Variants in DDX21 observed in about 807,000 individuals in gnomAD.
DDX21 encodes DExD-box helicase 21.
Under a neutral mutation model 90.0 loss-of-function variants are expected in DDX21, and 18 were observed. That is an observed-to-expected ratio of 0.20 (90% CI 0.14 to 0.30). The LOEUF (loss-of-function observed/expected upper bound fraction) is 0.30, where lower values mean the gene tolerates loss of function less well. Among genes scored for constraint, DDX21 ranks in the 10% least tolerant of loss-of-function variants. DDX21 has a pLI of 1.00. For synonymous variants in DDX21, 294 were observed against 318.0 expected, an observed-to-expected ratio of 0.92 and a Z score of 0.80; for missense variants, 673 against 944.5, an observed-to-expected ratio of 0.71 and a Z score of 3.77.
intron 2 of DDX21, 86 bp downstream of exon 2, chr10:68,960,335 T>C: frequency 7.5e-7 from 1 of 1,341,694 alleles, no homozygotes; most frequent in Non-Finnish European, 1.0e-6. Context: ...TACTCTTTAA[T>C]AGTAGGAGAA....
chr10:68,961,132 G>T (rs1429309170), intron 2 of DDX21, among the ~76,000 whole-genome samples: 4 of 151,964 alleles, frequency 2.6e-5, no homozygotes, highest in Admixed American at 2.6e-4. Flanking sequence ...ATGGGATCTC[G>T]CTGTGTGGCC....
intron 13 of DDX21, among the ~76,000 whole-genome samples, 200 bp from the exon 14 acceptor site, chr10:68,981,337 A>C (rs1028791800): frequency 6.6e-6 from 1 of 152,166 alleles, no homozygotes; most frequent in Non-Finnish European, 1.5e-5. Flanking sequence ...TCTTTTTTTC[A>C]ATGTTCCTTG....
chr10:68,960,253 C>G lies in DDX21; in HGVS notation c.531+4C>G. The G allele has an allele frequency of 2.5e-6, 4 of 1,587,618 alleles. No homozygotes were observed. Among genetic ancestry groups the G allele is most frequent in the Non-Finnish European group, 3.4e-6 (4 of 1,171,942 alleles). On this transcript the variant is annotated splice_donor_region_variant and intron_variant, in intron 2 of 14. Coordinates refer to ENST00000354185, the MANE Select transcript of DDX21 (RefSeq NM_004728.4). ...AAGTAACAGTGAGATAGAGCAGGTACATTTGCACTTCATTGGGTAGAAGAT... is the reference window on the plus strand; with the variant it reads ...AAGTAACAGTGAGATAGAGCAGGTAGATTTGCACTTCATTGGGTAGAAGAT...
chr10:68,958,158 C>G (rs1388201348), intron 1 of DDX21, among the ~76,000 whole-genome samples: 1 of 151,910 alleles, frequency 6.6e-6, no homozygotes, highest in East Asian at 1.9e-4. Context: ...GCTGTCGTTG[C>G]CCAGGCTTGT....
At position 68,982,807 on chromosome 10, in the gene DDX21, C is replaced by A. The variant is rs569497001; in HGVS notation, c.2347C>A (p.Gln783Lys). 6.2e-7 allele frequency: 1 copy of A among 1,613,672 alleles called. No individual in the cohort carries two copies. The highest frequency in any genetic ancestry group is 8.5e-7 in the Non-Finnish European group (1 of 1,179,798). Residue 783 changes from glutamine to lysine, a missense_variant, in exon 15 of 15, where the codon CAA becomes AAA. Around this residue, in one of 4 missense-constraint regions of DDX21, gnomAD observed 225 missense variants for 298.8 expected, o/e 0.75. Transcript: ENST00000354185. ...QKRSFSKAFG[Q>K] ...GCGGAGTTTCAGTAAAGCATTTGGTCAATAATTAGAAATAGAAGATTTATA... is the reference window on the plus strand; with the variant it reads ...GCGGAGTTTCAGTAAAGCATTTGGTAAATAATTAGAAATAGAAGATTTATA...
At chr10:68,978,593 G>T (rs78707108) in intron 12 of DDX21, among the ~76,000 whole-genome samples, 1,576 of 152,224 alleles carry the variant, frequency 0.01, 13 homozygotes, top group Admixed American at 0.017. Flanking sequence ...ACTCTGCTCA[G>T]CTTCCCTAAA....
In DDX21 at chr10:68,982,741, G is replaced by C; in HGVS notation, c.2281G>C (p.Gly761Arg). Residue 761 changes from glycine to arginine, a missense_variant, in exon 15 of 15, where the codon GGT (glycine) becomes CGT (arginine). Around this residue, in one of 4 missense-constraint regions of DDX21, gnomAD observed 225 missense variants for 298.8 expected, o/e 0.75. Transcript: ENST00000354185. ...SRGPRGQRSG[G>R]GNKSNRSQNK... ...AGGCCCGAGAGGACAGCGATCAGGAGGTGGCAACAAAAGTAACAGATCCCA... is the reference window on the plus strand; with the variant it reads ...AGGCCCGAGAGGACAGCGATCAGGACGTGGCAACAAAAGTAACAGATCCCA... 1 of 1,614,114 alleles carries C rather than the reference G, an allele frequency of 6.2e-7. No homozygotes were observed. The highest frequency in any genetic ancestry group is 8.5e-7 in the Non-Finnish European group (1 of 1,180,032).
intron 9 of DDX21, among the ~76,000 whole-genome samples, chr10:68,972,361 A>T (rs906754601): frequency 7.2e-5 from 11 of 152,172 alleles, no homozygotes; most frequent in Non-Finnish European, 1.3e-4. Context: ...AGATAAATGC[A>T]TGAGCCTAGA....
chr10:68,985,058 G>A lies in DDX21; in HGVS notation c.*2246G>A, dbSNP rs984622989. The A allele has an allele frequency of 1.3e-5, 2 of 151,970 alleles. No individual in the cohort carries two copies. Among genetic ancestry groups the A allele is most frequent in the African/African-American group, 4.8e-5 (2 of 41,352 alleles). The allele number at this position is 151,970 out of a possible 1,614,324, so 9.4% of individuals were successfully genotyped here. A position where few individuals can be genotyped will look rare whatever the true frequency, so the allele number is the denominator to read the frequency against. Reference sequence around the variant, plus strand: ...ACTGCTGTATACCATAATAAAGATAGTAATACTTGATTTTAGTGGCTTTTG... The same window carrying A: ...ACTGCTGTATACCATAATAAAGATAATAATACTTGATTTTAGTGGCTTTTG... On this transcript the variant is annotated 3_prime_UTR_variant, in exon 15 of 15. Coordinates refer to ENST00000354185, the MANE Select transcript of DDX21 (RefSeq NM_004728.4).
chr10:68,980,723 C>T (rs1399685821), intron 13 of DDX21, among the ~76,000 whole-genome samples: 3 of 151,594 alleles, frequency 2.0e-5, no homozygotes, highest in Non-Finnish European at 4.4e-5. Context: ...AGATGGTGTC[C>T]TGGCTAGGTG....
At chr10:68,979,253 CT>C (rs201806560) in intron 13 of DDX21, among the ~76,000 whole-genome samples, 2 of 151,724 alleles carry the variant, frequency 1.3e-5, no homozygotes, top group East Asian at 1.9e-4. Flanking sequence ...TTTTCAGAAT[CT>C]TTTTTTTTCT....
chr10:68,967,200 A>C lies in DDX21; in HGVS notation c.1087A>C (p.Lys363Gln). The stretch of plus-strand genomic sequence containing the variant: ...AGAGATTTTAAGTGTGGCATACAAG[A>C]AAGGTAATCCACAAATTCAAGAAGC... ...VEEILSVAYK[K>Q]DSEDNPQTLL... The change falls in exon 6 of 15, where the codon AAA becomes CAA. Residue 363 changes from lysine to glutamine, a missense_variant. By Grantham distance (53) the Lys-to-Gln change is moderately conservative. Coordinates refer to ENST00000354185, the MANE Select transcript of DDX21 (RefSeq NM_004728.4). The C allele has an allele frequency of 6.2e-7, 1 of 1,608,016 alleles. No individual in the cohort carries two copies. The highest frequency in any genetic ancestry group is 1.1e-5 in the South Asian group (1 of 90,460).
Position 68,982,994 on chromosome 10 carries a change from TA to T in DDX21, c.*184del, listed in dbSNP as rs1589290772. On this transcript the variant is annotated 3_prime_UTR_variant, in exon 15 of 15. Coordinates refer to ENST00000354185, the MANE Select transcript of DDX21 (RefSeq NM_004728.4). Reference sequence around the variant, plus strand: ...TATTTCATCTGATCATTATCATTTATAACTTTATTGTTACTTCTTCATCAGT... The same window carrying T: ...TATTTCATCTGATCATTATCATTTATACTTTATTGTTACTTCTTCATCAGT... 2 of 767,648 alleles carry T rather than the reference TA, an allele frequency of 2.6e-6. No individual in the cohort carries two copies. The highest frequency in any genetic ancestry group is 4.0e-6 in the Non-Finnish European group (2 of 505,736). 47.6% of individuals were successfully genotyped at this position (767,648 alleles called of 1,614,324 possible).
Position 68,967,901 on chromosome 10 carries a change from GT to G in DDX21, c.1090+709del, listed in dbSNP as rs961479720. Among the ~76,000 whole-genome samples, 161 of 144,732 alleles carry G rather than the reference GT, an allele frequency of 1.1e-3. 2 individuals are homozygous for G. Among genetic ancestry groups the G allele is most frequent in the South Asian group, 4.4e-4 (2 of 4,566 alleles). 94.9% of individuals were successfully genotyped at this position (144,732 alleles called of 152,430 possible). ...ACCTCAATATCTGGAATTGTTTTTT[GT>G]TTTTTTTTTTGAGACAGGGTCTAAA... On this transcript the variant is annotated intron_variant, in intron 6 of 14. Coordinates refer to ENST00000354185, the MANE Select transcript of DDX21 (RefSeq NM_004728.4).
chr10:68,968,055 G>GT (rs1452629576), intron 6 of DDX21, among the ~76,000 whole-genome samples: 1 of 149,876 alleles, frequency 6.7e-6, no homozygotes. Context: ...TAATTTTTCT[G>GT]TTTTTTGTAG....
chr10:68,983,678 T>C lies in DDX21; in HGVS notation c.*866T>C, dbSNP rs941272429. The C allele has an allele frequency of 7.3e-6, 1 of 137,578 alleles. No homozygotes were observed. The highest frequency in any genetic ancestry group is 2.7e-5 in the African/African-American group (1 of 36,482). The allele number at this position is 137,578 out of a possible 1,614,324, so 8.5% of individuals were successfully genotyped here. A position where few individuals can be genotyped will look rare whatever the true frequency, so the allele number is the denominator to read the frequency against. ...ACTTAAGGGAGTAGGGGGCGCAGAT[T>C]AGCATTGCTCAAGAGTATGTAAAAA... On this transcript the variant is annotated 3_prime_UTR_variant, in exon 15 of 15. Transcript: ENST00000354185.
In DDX21 at chr10:68,982,721, C is replaced by T. The variant is rs142852464; in HGVS notation, c.2261C>T (p.Pro754Leu). The T allele has an allele frequency of 9.1e-5, 147 of 1,613,838 alleles. No individual in the cohort carries two copies. The African/African-American group carries it at 1.7e-3, about 19-fold the overall frequency. Residue 754 changes from proline (P) to leucine (L), a missense_variant, in exon 15 of 15, where the codon CCG becomes CTG. This residue lies in a region of DDX21 where 225 missense variants were observed against 298.8 expected (regional missense o/e 0.75). Coordinates refer to ENST00000354185, the MANE Select transcript of DDX21 (RefSeq NM_004728.4). ...GGACAGCGGGAAGGCAGTAGAGGCC[C>T]GAGAGGACAGCGATCAGGAGGTGGC... The part of the protein sequence containing the change: ...FRGQREGSRG[P>L]RGQRSGGGNK...
chr10:68,971,410 A>T (rs1355287651), intron 8 of DDX21, among the ~76,000 whole-genome samples: 3 of 151,406 alleles, frequency 2.0e-5, no homozygotes, highest in Non-Finnish European at 4.4e-5. Context: ...ATTTTTTTAA[A>T]TTTTTTTTCT....
rs1262472249 is a variant in DDX21 at position 68,982,565 on chromosome 10, G to A, written c.2105G>A (p.Arg702His). 2 of 1,610,710 alleles carry A rather than the reference G, an allele frequency of 1.2e-6. No individual in the cohort carries two copies. The highest frequency in any genetic ancestry group is 2.2e-5 in the East Asian group (1 of 44,818). Residue 702 changes from arginine (R) to histidine (H), a missense_variant, in exon 15 of 15, where the codon CGC becomes CAC. By Grantham distance (29) the Arg-to-His change is conservative. Transcript: ENST00000354185. ...EIQEKWHDSR[R>H]WQLSVATEQP... The stretch of plus-strand genomic sequence containing the variant: ...CAGGAGAAATGGCATGATTCACGAC[G>A]CTGGCAGCTCTCTGTGGCCACAGAG...
Sources: allele counts gnomAD v4.1 joint callset (sites outside exome capture counted in the v4.1 genomes callset), GRCh38; gene constraint gnomAD v4.1.1; regional missense constraint gnomAD v4.1.1; transcripts MANE v1.5; gene names NCBI Gene and HGNC (gene_info 2026-07-23, HGNC 2026-07-21).